Variants in ERG observed in about 807,000 individuals in gnomAD.
ERG encodes the protein ETS transcription factor ERG.
In ERG, 9 loss-of-function variants were observed where a neutral mutation model predicts 55.3. The ratio of observed to expected loss-of-function variants is 0.16; its 90% confidence interval spans 0.10 to 0.28. ERG has a LOEUF of 0.28. ERG is among the 10% of genes least tolerant of loss of function. The probability of loss-of-function intolerance (pLI) is 1.00; values close to 1 mark genes in which losing one functional copy is unlikely to be tolerated. For synonymous variants in ERG, 223 were observed against 237.3 expected (o/e 0.94, Z 0.55); for missense variants, 434 against 631.6 (o/e 0.69, Z 3.35).
intron 6 of ERG, among the ~76,000 whole-genome samples, chr21:38,393,097 A>G (rs1267395050): frequency 6.6e-6 from 1 of 152,214 alleles, no homozygotes; most frequent in Admixed American, 6.5e-5. Flanking sequence ...AATGACCTGC[A>G]TGAAATGAAT....
At chr21:38,596,234 C>T (rs1401383914) in intron 1 of ERG, among the ~76,000 whole-genome samples, 3 of 152,168 alleles carry the variant, frequency 2.0e-5, no homozygotes, top group Non-Finnish European at 4.4e-5. Context: ...ATCACTAGGT[C>T]CATTTATTGA....
chr21:38,603,691 A>G (rs767795245), intron 1 of ERG, among the ~76,000 whole-genome samples: 2 of 151,998 alleles, frequency 1.3e-5, no homozygotes, highest in African/African-American at 4.8e-5. Flanking sequence ...GGAATCCCCA[A>G]CTTTGCTCTT....
chr21:38,452,363 G>A (rs534190385), intron 1 of ERG, among the ~76,000 whole-genome samples: 20 of 151,964 alleles, frequency 1.3e-4, no homozygotes, highest in Non-Finnish European at 2.5e-4. Context: ...ATACAGATAC[G>A]CACATGCATA....
intron 1 of ERG, among the ~76,000 whole-genome samples, chr21:38,617,504 A>G (rs2836572): frequency 0.049 from 7,524 of 152,256 alleles, 589 homozygotes; most frequent in African/African-American, 0.17. Flanking sequence ...TAAATGCAAA[A>G]TGTTCTTTAA....
chr21:38,418,025 T>A (rs75930099), intron 3 of ERG, among the ~76,000 whole-genome samples: 2,279 of 150,992 alleles, frequency 0.015, 54 homozygotes, highest in African/African-American at 0.053. Context: ...TGATTCTTCA[T>A]TTTTTTTTGG....
intron 1 of ERG, among the ~76,000 whole-genome samples, chr21:38,582,752 CT>C (rs796539376): frequency 0.011 from 1,660 of 147,482 alleles, 21 homozygotes; most frequent in African/African-American, 0.038. Context: ...AATGTTGCAA[CT>C]TTTTTTTTTT....
chr21:38,656,023 C>T (rs748343433), intron 1 of ERG, among the ~76,000 whole-genome samples: 2 of 151,950 alleles, frequency 1.3e-5, no homozygotes, highest in African/African-American at 2.4e-5. Flanking sequence ...CTTCACCGCG[C>T]CCCCCGCCAA....
At chr21:38,490,939 G>A (rs1293775740) in intron 1 of ERG, among the ~76,000 whole-genome samples, 1 of 152,200 alleles carries the variant, frequency 6.6e-6, no homozygotes, top group Non-Finnish European at 1.5e-5. Context: ...CTGGGCCAAA[G>A]ATAAAAGTGG....
chr21:38,627,154 T>C (rs1242979762), intron 1 of ERG, among the ~76,000 whole-genome samples: 3 of 151,854 alleles, frequency 2.0e-5, no homozygotes, highest in African/African-American at 7.3e-5. Flanking sequence ...AAAGTAGATG[T>C]TGAATATTTC....
intron 2 of ERG, among the ~76,000 whole-genome samples, chr21:38,517,211 T>C (rs1010975655): frequency 2.0e-5 from 3 of 151,838 alleles, no homozygotes; most frequent in African/African-American, 7.2e-5. Flanking sequence ...TTGTAAACTG[T>C]TCATCTAGTA....
At chr21:38,485,792 A>G (rs2059279358) in intron 1 of ERG, among the ~76,000 whole-genome samples, 1 of 151,708 alleles carries the variant, frequency 6.6e-6, no homozygotes, top group Non-Finnish European at 1.5e-5. Context: ...AGTAGTAGAT[A>G]GTGATGTCCT....
At chr21:38,413,768 CTCA>C (rs1171445849) in intron 3 of ERG, among the ~76,000 whole-genome samples, 1 of 151,742 alleles carries the variant, frequency 6.6e-6, no homozygotes, top group African/African-American at 2.4e-5. Flanking sequence ...ATTGTGTGTG[CTCA>C]TCATGTTTTA....
At chr21:38,627,142 C>A (rs947415164) in intron 1 of ERG, among the ~76,000 whole-genome samples, 3 of 149,562 alleles carry the variant, frequency 2.0e-5, no homozygotes, top group Non-Finnish European at 3.0e-5. Flanking sequence ...AAAAAGACAA[C>A]AAAAGTAGAT....
intron 1 of ERG, among the ~76,000 whole-genome samples, chr21:38,631,939 A>G (rs1332584629): frequency 1.3e-5 from 2 of 151,894 alleles, no homozygotes; most frequent in East Asian, 3.9e-4. Context: ...CTCCATTAAC[A>G]TCATCATTCC....
At chr21:38,398,339 A>C (rs983450118) in intron 6 of ERG, among the ~76,000 whole-genome samples, 2 of 152,186 alleles carry the variant, frequency 1.3e-5, no homozygotes, top group African/African-American at 4.8e-5. Context: ...AAGTCCCTGA[A>C]TAGGGCCTAC....
At chr21:38,415,673 T>C (rs1989246813) in intron 3 of ERG, among the ~76,000 whole-genome samples, 4 of 152,170 alleles carry the variant, frequency 2.6e-5, no homozygotes, top group Admixed American at 2.6e-4. Context: ...GAATAGGCTC[T>C]GGTCTCACCC....
At chr21:38,444,579 C>T (rs1226286622) in intron 2 of ERG, among the ~76,000 whole-genome samples, 2 of 152,020 alleles carry the variant, frequency 1.3e-5, no homozygotes, top group African/African-American at 4.8e-5. Context: ...TTCAAAACTA[C>T]ACAGAATTCA....
chr21:38,622,954 CAT>C (rs1415061012), intron 1 of ERG, among the ~76,000 whole-genome samples: 2 of 3,692 alleles, frequency 5.4e-4, no homozygotes, highest in African/African-American at 1.0e-3. Flanking sequence ...CACACACACA[CAT>C]CAGCACACAC....
chr21:38,577,961 G>A (rs2060005045), intron 1 of ERG, among the ~76,000 whole-genome samples: 1 of 152,310 alleles, frequency 6.6e-6, no homozygotes, highest in Admixed American at 6.5e-5. Flanking sequence ...GAAGGTTTCA[G>A]GAGTCCCAGG....
Sources: gnomAD v4.1 joint callset for allele counts (sites outside exome capture counted in the v4.1 genomes callset) on GRCh38, gnomAD v4.1.1 for gene constraint, MANE v1.5 for transcripts, NCBI Gene and HGNC (gene_info 2026-07-23, HGNC 2026-07-21) for gene names.